Variants in SERPINB7 observed in about 807,000 individuals in gnomAD.
SERPINB7 encodes the protein serpin family B member 7, also known as serpin B7.
Under a neutral mutation model 37.4 loss-of-function variants are expected in SERPINB7, and 31 were observed. The observed-to-expected ratio is 0.83, with a 90% confidence interval of 0.62 to 1.12. SERPINB7 has a LOEUF of 1.12. SERPINB7 is among the 50% of genes most tolerant of loss of function. SERPINB7 has a pLI of 0.00. For missense variants in SERPINB7, 521 were observed against 455.3 expected (o/e 1.14, Z -1.31); for synonymous variants, 163 against 166.1 (o/e 0.98, Z 0.14).
At chr18:63,772,093 G>A (rs1260223829), upstream of SERPINB7, among the ~76,000 whole-genome samples, 1 of 151,970 alleles carries the variant, frequency 6.6e-6, no homozygotes, top group Admixed American at 6.6e-5. Flanking sequence ...ACTTGAGGCT[G>A]GAGGGCGGGA....
chr18:63,801,297 C>A (rs1188839589), intron 7 of SERPINB7, among the ~76,000 whole-genome samples: 1 of 152,090 alleles, frequency 6.6e-6, no homozygotes. Context: ...TGAGTTTAGG[C>A]CTTTTTGGTG....
chr18:63,798,577 T>G, intron 5 of SERPINB7, 27 bp from the exon 6 acceptor site: 2 of 1,516,638 alleles, frequency 1.3e-6, no homozygotes, highest in East Asian at 2.3e-5. Flanking sequence ...AAAATAAACA[T>G]TTTTCCCTCA....
intron 1 of SERPINB7, among the ~76,000 whole-genome samples, chr18:63,777,616 C>T (rs1438290326): frequency 2.0e-5 from 3 of 151,768 alleles, no homozygotes; most frequent in Non-Finnish European, 4.4e-5. Flanking sequence ...TGAATTAGAG[C>T]TATAGCTAAT....
At chr18:63,774,189 C>G (rs1463645158), upstream of SERPINB7, among the ~76,000 whole-genome samples, 1 of 152,000 alleles carries the variant, frequency 6.6e-6, no homozygotes. Context: ...TTACTTTTCT[C>G]TATGATTATT....
chr18:63,756,431 A>G (rs1296400520), intron 1 of SERPINB7, among the ~76,000 whole-genome samples: 1 of 152,180 alleles, frequency 6.6e-6, no homozygotes. Flanking sequence ...CCAGTTTGTG[A>G]GTGGTTTAGT....
At position 63,786,028 on chromosome 18, in the gene SERPINB7, G is replaced by GTA. The variant is rs1056313296; in HGVS notation, c.168+3495_168+3496dup. 1.1e-3 allele frequency among the ~76,000 whole-genome samples: 117 copies of GTA among 102,928 alleles called. 1 individual carries two copies. Among genetic ancestry groups the GTA allele is most frequent in the Non-Finnish European group, 2.0e-3 (95 of 48,386 alleles). The allele number at this position is 102,928 out of a possible 152,430, so 67.5% of individuals were successfully genotyped here. On this transcript the variant is annotated intron_variant, in intron 2 of 7. Transcript: ENST00000398019. ...GTATATATACACATATATAATATAC[G>GTA]TATATATACACATATATATAATATA... is the stretch of plus-strand genomic sequence containing the variant.
At chr18:63,757,304 G>A (rs982785352) in intron 1 of SERPINB7, among the ~76,000 whole-genome samples, 2 of 152,136 alleles carry the variant, frequency 1.3e-5, no homozygotes, top group Non-Finnish European at 1.5e-5. Flanking sequence ...CCCTGGGAAA[G>A]CAATTGAATA....
chr18:63,791,812 G>T (rs751563721), intron 2 of SERPINB7, among the ~76,000 whole-genome samples: 3 of 151,870 alleles, frequency 2.0e-5, no homozygotes, highest in East Asian at 1.9e-4. Flanking sequence ...GGTTTTCACC[G>T]TGTTAGCCAG....
At position 63,798,618 on chromosome 18, in the gene SERPINB7, G is replaced by T. The variant is rs752478728; in HGVS notation, c.469G>T (p.Val157Leu). The change falls in exon 6 of 8, where the codon GTG (valine) becomes TTG (leucine). Residue 157 changes from valine to leucine, a missense_variant. Coordinates refer to ENST00000398019, the MANE Select transcript of SERPINB7 (RefSeq NM_003784.4). ...ENETHGKIKN[V>L]IGEGGISSSA... ...TTTTTCAAAAGGCAAAATCAAGAACGTGATTGGTGAAGGTGGCATAAGCTC... is the reference window on the plus strand; with the variant it reads ...TTTTTCAAAAGGCAAAATCAAGAACTTGATTGGTGAAGGTGGCATAAGCTC... The T allele has an allele frequency of 1.9e-6, 3 of 1,553,678 alleles. No individual in the cohort carries two copies. The highest frequency in any genetic ancestry group is 3.4e-4 in the Middle Eastern group (2 of 5,888).
At chr18:63,782,628 G>A in intron 2 of SERPINB7, 88 bp downstream of exon 2, 1 of 1,323,136 alleles carries the variant, frequency 7.6e-7, no homozygotes, top group Non-Finnish European at 1.0e-6. Context: ...TGTTAATGGA[G>A]GTCATCATGA....
intron 1 of SERPINB7, 62 bp from the exon 2 acceptor site, chr18:63,782,292 TA>T: frequency 9.8e-7 from 1 of 1,025,166 alleles, no homozygotes; most frequent in Non-Finnish European, 1.3e-6. Flanking sequence ...TAAATAAATC[TA>T]AAAATATAAT....
chr18:63,756,804 TTGTGTGTGTGTGTGTG>T (rs74169985), intron 1 of SERPINB7, among the ~76,000 whole-genome samples: 61 of 137,346 alleles, frequency 4.4e-4, no homozygotes, highest in African/African-American at 1.5e-3. Flanking sequence ...TTGGGGTAGC[TTGTGTGTGTGTGTGTG>T]TGTGTGTGTG....
chr18:63,796,409 C>T, intron 5 of SERPINB7, 26 bp downstream of exon 5: 1 of 1,310,558 alleles, frequency 7.6e-7, no homozygotes, highest in South Asian at 1.2e-5. Flanking sequence ...CCCTATTTTT[C>T]TACAAGATTT....
chr18:63,779,670 T>C (rs1170807174), intron 1 of SERPINB7, among the ~76,000 whole-genome samples: 1 of 152,038 alleles, frequency 6.6e-6, no homozygotes, highest in Non-Finnish European at 1.5e-5. Context: ...GCCATAAAAC[T>C]TACCTAAGCT....
chr18:63,766,416 T>G (rs1455682067), intron 1 of SERPINB7, among the ~76,000 whole-genome samples: 1 of 152,170 alleles, frequency 6.6e-6, no homozygotes, highest in Non-Finnish European at 1.5e-5. Context: ...GAAATCATGT[T>G]TTATTTTTTC....
At chr18:63,803,858 T>C (rs2049576060) in intron 7 of SERPINB7, among the ~76,000 whole-genome samples, 1 of 152,146 alleles carries the variant, frequency 6.6e-6, no homozygotes, top group African/African-American at 2.4e-5. Context: ...GATGAGGAGA[T>C]GGCTAGGAAA....
Position 63,796,301 on chromosome 18 carries a change from CA to C in SERPINB7, c.375del (p.Val126TrpfsTer10). The C allele has an allele frequency of 1.9e-6, 3 of 1,612,842 alleles. No homozygotes were observed. The highest frequency in any genetic ancestry group is 2.5e-6 in the Non-Finnish European group (3 of 1,179,190). On this transcript the variant is annotated frameshift_variant, in exon 5 of 8. Transcript: ENST00000398019. LOFTEE classifies it high-confidence loss of function. ...AGTGTGCCGAAAAATTATACGATGC[CA>C]AAGTGGAGCGAGTTGACTTTACGAA... Reference protein sequence around the residue: ...IECAEKLYDAKVERVDFTNHL... With the variant: ...IECAEKLYDAXVERVDFTNHL...
chr18:63,765,566 T>C (rs1408970500), intron 1 of SERPINB7, among the ~76,000 whole-genome samples: 2 of 152,246 alleles, frequency 1.3e-5, no homozygotes, highest in Admixed American at 1.3e-4. Flanking sequence ...AAATTCAAAT[T>C]CTTTCTGATG....
At chr18:63,763,266 A>AT (rs1412171724) in intron 1 of SERPINB7, among the ~76,000 whole-genome samples, 6 of 152,150 alleles carry the variant, frequency 3.9e-5, no homozygotes, top group African/African-American at 7.2e-5. Context: ...TCCTGCTACT[A>AT]TTTTTTTAAC....
Sources: gnomAD v4.1 joint callset for allele counts (sites outside exome capture counted in the v4.1 genomes callset) on GRCh38, gnomAD v4.1.1 for gene constraint, MANE v1.5 for transcripts, NCBI Gene and HGNC (gene_info 2026-07-23, HGNC 2026-07-21) for gene names.